The following CACNG2 variants were observed in gnomAD, a reference collection of about 807,000 sequenced individuals.
CACNG2 encodes the protein calcium voltage-gated channel auxiliary subunit gamma 2, also known as voltage-dependent calcium channel gamma-2 subunit.
In CACNG2, 3 loss-of-function variants were observed where a neutral mutation model predicts 25.9. That is an observed-to-expected ratio of 0.12 (90% CI 0.05 to 0.30). The LOEUF is 0.30. Ranked by LOEUF, CACNG2 falls within the 10% of genes least tolerant of loss-of-function variation. CACNG2 has a pLI of 1.00. For synonymous variants in CACNG2, 167 were observed against 173.3 expected (o/e 0.96, Z 0.29); for missense variants, 341 against 432.5 (o/e 0.79, Z 1.88).
intron 1 of CACNG2, among the ~76,000 whole-genome samples, chr22:36,593,804 C>G (rs1299624763): frequency 6.6e-6 from 1 of 151,770 alleles, no homozygotes; most frequent in Non-Finnish European, 1.5e-5. Context: ...GCTGGAGGAG[C>G]ACAGGGTCTC....
At chr22:36,570,365 A>G (rs1280422765) in intron 2 of CACNG2, among the ~76,000 whole-genome samples, 3 of 152,214 alleles carry the variant, frequency 2.0e-5, no homozygotes, top group African/African-American at 4.8e-5. Context: ...GACATGCTCT[A>G]AATAATGACC....
At chr22:36,663,703 G>C (rs1936833623) in intron 1 of CACNG2, among the ~76,000 whole-genome samples, 1 of 152,174 alleles carries the variant, frequency 6.6e-6, no homozygotes, top group Admixed American at 6.5e-5. Context: ...CAGCATCCCT[G>C]GGCGCCTCAG....
intron 1 of CACNG2, among the ~76,000 whole-genome samples, chr22:36,678,515 C>G (rs1480826817): frequency 6.6e-6 from 1 of 151,990 alleles, no homozygotes; most frequent in Non-Finnish European, 1.5e-5. Context: ...ACCAAAGACT[C>G]GACCCAATTC....
Position 36,679,223 on chromosome 22 carries a change from TTTCTTTCC to T in CACNG2, c.211+23135_211+23142del, listed in dbSNP as rs1174884187. Among the ~76,000 whole-genome samples the T allele has an allele frequency of 2.9e-3, 423 of 143,964 alleles. 7 individuals carry two copies. The highest frequency in any genetic ancestry group is 0.01 in the African/African-American group (396 of 39,454). The allele number at this position is 143,964 out of a possible 152,430, so 94.4% of individuals were successfully genotyped here. A position where few individuals can be genotyped will look rare whatever the true frequency, so the allele number is the denominator to read the frequency against. On this transcript the variant is annotated intron_variant, in intron 1 of 3. Transcript: ENST00000300105. Reference sequence around the variant, plus strand: ...CTTTCTTTCTTTCTTTCTTTCTTTCTTTCTTTCCTTCTTTCTTTCTTTCTTTTCTTTAA... The same window carrying T: ...CTTTCTTTCTTTCTTTCTTTCTTTCTTTCTTTCTTTCTTTCTTTTCTTTAA...
intron 1 of CACNG2, among the ~76,000 whole-genome samples, chr22:36,672,932 T>C (rs1248913537): frequency 4.6e-5 from 7 of 152,196 alleles, no homozygotes; most frequent in Non-Finnish European, 2.9e-5. Context: ...TGCGTAGTTA[T>C]GTGTTGAAGG....
At chr22:36,565,357 G>A (rs982827410) in intron 3 of CACNG2, among the ~76,000 whole-genome samples, 4 of 152,220 alleles carry the variant, frequency 2.6e-5, no homozygotes, top group Admixed American at 6.5e-5. Flanking sequence ...CAAAGCCTTC[G>A]CAAGTTAACC....
chr22:36,593,582 G>C (rs966528303), intron 1 of CACNG2, among the ~76,000 whole-genome samples: 1 of 152,124 alleles, frequency 6.6e-6, no homozygotes, highest in Non-Finnish European at 1.5e-5. Context: ...AGGACAGAAT[G>C]GGGGGATTCT....
chr22:36,634,987 A>G (rs114477651), intron 1 of CACNG2, among the ~76,000 whole-genome samples: 3,117 of 152,310 alleles, frequency 0.02, 121 homozygotes, highest in African/African-American at 0.072. Flanking sequence ...GCCATGATGA[A>G]AAATGGTCAA....
chr22:36,612,486 C>T (rs1935957809), intron 1 of CACNG2, among the ~76,000 whole-genome samples: 1 of 152,176 alleles, frequency 6.6e-6, no homozygotes, highest in African/African-American at 2.4e-5. Flanking sequence ...TCCCTGAGAT[C>T]CTTACTAGTT....
At chr22:36,667,833 G>A (rs945501807) in intron 1 of CACNG2, among the ~76,000 whole-genome samples, 20 of 152,106 alleles carry the variant, frequency 1.3e-4, no homozygotes, top group African/African-American at 4.8e-4. Context: ...GTTCTCTTCT[G>A]GCCTAAATAT....
At chr22:36,608,271 C>T (rs781388340) in intron 1 of CACNG2, among the ~76,000 whole-genome samples, 30 of 152,110 alleles carry the variant, frequency 2.0e-4, no homozygotes, top group Non-Finnish European at 2.8e-4. Flanking sequence ...CCTCACAGCC[C>T]GAGCTGCCTC....
chr22:36,660,348 C>T (rs1403434950), intron 1 of CACNG2, among the ~76,000 whole-genome samples: 3 of 152,248 alleles, frequency 2.0e-5, no homozygotes, highest in East Asian at 1.9e-4. Context: ...ATGGCTTCTG[C>T]GGGCTGCTCA....
rs779033735 is a variant in CACNG2 at position 36,564,507 on chromosome 22, C to T, written c.816G>A (p.Thr272=). ...CGGCCTTCAGGGGGTCCCTGCTGAG[C>T]GTGTACATGGAGATCTCCGTGGACG... The part of the protein sequence containing the change: ...TLPSTEISMY[T]LSRDPLKAAT... The change falls in exon 4 of 4, where the codon ACG becomes ACA. Residue 272 remains threonine (T), a synonymous_variant. Transcript: ENST00000300105. The surrounding 1 kb of genome is among the most constrained non-coding windows in gnomAD (Gnocchi z 6.7). 6.2e-7 allele frequency: 1 copy of T among 1,614,060 alleles called. No individual in the cohort carries two copies. The highest frequency in any genetic ancestry group is 1.7e-5 in the Admixed American group (1 of 60,024).
intron 1 of CACNG2, among the ~76,000 whole-genome samples, chr22:36,691,577 A>G (rs973529802): frequency 3.3e-5 from 5 of 152,206 alleles, no homozygotes; most frequent in African/African-American, 4.8e-5. Context: ...AATGGAAGAT[A>G]TAATTAGTGT....
In CACNG2 at chr22:36,699,808, C is replaced by T. The variant is rs114865308; in HGVS notation, c.211+2558G>A. On this transcript the variant is annotated intron_variant, in intron 1 of 3. Transcript: ENST00000300105. ...ACTGACAGCCCCCAAGGACTGTCTACGCCAACTTCCAGAAACAACTGAACT... is the reference window on the plus strand; with the variant it reads ...ACTGACAGCCCCCAAGGACTGTCTATGCCAACTTCCAGAAACAACTGAACT... Among the ~76,000 whole-genome samples the T allele has an allele frequency of 2.7e-3, 417 of 152,324 alleles. 4 individuals are homozygous for T. The highest frequency in any genetic ancestry group is 9.7e-3 in the African/African-American group (405 of 41,574).
chr22:36,668,141 C>A (rs186608815), intron 1 of CACNG2, among the ~76,000 whole-genome samples: 1 of 152,206 alleles, frequency 6.6e-6, no homozygotes, highest in South Asian at 2.1e-4. Flanking sequence ...ATGCCTCTGC[C>A]GGGCTCTCGG....
chr22:36,572,628 G>T (rs1346550479), intron 2 of CACNG2, among the ~76,000 whole-genome samples: 1 of 152,012 alleles, frequency 6.6e-6, no homozygotes, highest in Non-Finnish European at 1.5e-5. Context: ...TTTGAACCCA[G>T]GAGGCAGAAG....
chr22:36,689,952 G>A (rs893312441), intron 1 of CACNG2, among the ~76,000 whole-genome samples: 7 of 152,232 alleles, frequency 4.6e-5, no homozygotes, highest in Non-Finnish European at 1.0e-4. Flanking sequence ...AGTAGATGAG[G>A]CTAGCCTTCC....
intron 1 of CACNG2, among the ~76,000 whole-genome samples, chr22:36,622,373 T>C (rs918446714): frequency 4.6e-5 from 7 of 152,250 alleles, no homozygotes; most frequent in Admixed American, 4.6e-4. Context: ...CCAGAAAATA[T>C]GCCTTCCTAA....
Sources: gnomAD v4.1 joint callset for allele counts (sites outside exome capture counted in the v4.1 genomes callset) on GRCh38, gnomAD v4.1.1 for gene constraint, Gnocchi (gnomAD v3.1) non-coding constraint, MANE v1.5 for transcripts, NCBI Gene and HGNC (gene_info 2026-07-23, HGNC 2026-07-21) for gene names.